Variants in PCDHGB1 observed in about 807,000 individuals in gnomAD.
The protein encoded by PCDHGB1 is protocadherin gamma subfamily B, 1.
In PCDHGB1, 34 loss-of-function variants were observed where a neutral mutation model predicts 56.6. The ratio of observed to expected loss-of-function variants is 0.60; its 90% CI spans 0.46 to 0.80. PCDHGB1 has a LOEUF of 0.80. Ranked by LOEUF, PCDHGB1 falls within the 30% of genes least tolerant of loss-of-function variation. The probability of loss-of-function intolerance (pLI) is 0.00; values close to 1 mark genes in which losing one functional copy is unlikely to be tolerated. For synonymous variants in PCDHGB1, 561 were observed against 505.9 expected (o/e 1.11, Z -1.46); for missense variants, 1,278 against 1,204.6 (o/e 1.06, Z -0.90).
intron 1 of PCDHGB1, chr5:141,478,456 T>A (rs371773090): frequency 3.1e-6 from 5 of 1,613,366 alleles, no homozygotes; most frequent in African/African-American, 2.7e-5. Context: ...GTGCAGCCAG[T>A]CCACTGGCCA....
chr5:141,360,168 G>A (rs1224518135), intron 1 of PCDHGB1: 2 of 1,608,034 alleles, frequency 1.2e-6, no homozygotes, highest in East Asian at 2.2e-5. Context: ...GCGGGCTGGT[G>A]CGGTGGCTGC....
At position 141,351,936 on chromosome 5, in the gene PCDHGB1, T is replaced by C; in HGVS notation, c.1676T>C (p.Leu559Pro). The C allele has an allele frequency of 6.2e-7, 1 of 1,613,244 alleles. No homozygotes were observed. Among genetic ancestry groups the C allele is most frequent in the Non-Finnish European group, 8.5e-7 (1 of 1,179,748 alleles). The change falls in exon 1 of 4, where the codon CTG becomes CCG. Residue 559 changes from leucine (L) to proline (P), a missense_variant. Transcript: ENST00000523390. ...CTCAATGACAATGCGCCACGGGTGC[T>C]GTACCCCGCGCTGGGGCCTGATGGC... is the stretch of plus-strand genomic sequence containing the variant. ...GDLNDNAPRV[L>P]YPALGPDGSA...
intron 1 of PCDHGB1, chr5:141,384,634 C>T: frequency 6.2e-7 from 1 of 1,614,208 alleles, no homozygotes; most frequent in Non-Finnish European, 8.5e-7. Flanking sequence ...GGAGCTGGCA[C>T]CCCGCTCCGC....
chr5:141,384,769 G>C (rs778610936), intron 1 of PCDHGB1: 1 of 1,613,914 alleles, frequency 6.2e-7, no homozygotes, highest in Non-Finnish European at 8.5e-7. Context: ...GCTGTACACG[G>C]GCGAGGTGCG....
Position 141,490,446 on chromosome 5 carries a change from C to T in PCDHGB1, c.2410-4361C>T, listed in dbSNP as rs779502898. 2.5e-6 allele frequency: 4 copies of T among 1,614,196 alleles called. No homozygotes were observed. The highest frequency in any genetic ancestry group is 3.4e-6 in the Non-Finnish European group (4 of 1,180,016). ...CATTTCAGATTAAGCCTTCTGAGAA[C>T]CACTACTCGCTGCTAACCAGCCAGC... On this transcript the variant is annotated intron_variant, in intron 1 of 3. Coordinates refer to ENST00000523390, the MANE Select transcript of PCDHGB1 (RefSeq NM_018922.3). The surrounding 1 kb of genome is among the most constrained non-coding windows in gnomAD (Gnocchi z 5.4).
chr5:141,366,162 C>A (rs1037452604), intron 1 of PCDHGB1: 1 of 1,614,110 alleles, frequency 6.2e-7, no homozygotes, highest in South Asian at 1.1e-5. Context: ...CTGCTTAAGG[C>A]CAGCGAGCCA....
At chr5:141,372,542 A>G in intron 1 of PCDHGB1, 1 of 1,613,892 alleles carries the variant, frequency 6.2e-7, no homozygotes, top group Non-Finnish European at 8.5e-7. Context: ...TGCGCCTGCG[A>G]TGCTCCTCCA....
chr5:141,389,875 A>G (rs753159908), intron 1 of PCDHGB1: 2 of 1,613,946 alleles, frequency 1.2e-6, no homozygotes, highest in African/African-American at 2.7e-5. Flanking sequence ...GTCTTCGCCG[A>G]CAGCTTGCAG....
intron 1 of PCDHGB1, chr5:141,408,227 C>G (rs771279344): frequency 1.9e-6 from 3 of 1,562,978 alleles, no homozygotes; most frequent in East Asian, 2.4e-5. Context: ...CGCGCAGAGG[C>G]GCCGGGCCGG....
rs774439162 is a variant in PCDHGB1 at position 141,360,155 on chromosome 5, G to T, written c.2409+7486G>T. 2.5e-6 allele frequency: 4 copies of T among 1,603,962 alleles called. No individual in the cohort carries two copies. In the South Asian group the frequency reaches 4.5e-5, roughly 18 times the overall value. On this transcript the variant is annotated intron_variant, in intron 1 of 3. Transcript: ENST00000523390. The stretch of plus-strand genomic sequence containing the variant: ...CAGAAGATGAAAGCGAGCTCAGGGA[G>T]GTGCGGGCTGGTGCGGTGGCTGCAG...
At chr5:141,418,423 T>G (rs1469880702) in intron 1 of PCDHGB1, 1 of 1,613,868 alleles carries the variant, frequency 6.2e-7, no homozygotes. Flanking sequence ...ATCCTGATGG[T>G]GGCAAATATC....
rs539719239 is a variant in PCDHGB1, at chr5:141,431,888, G to A, written c.2410-62919G>A. The A allele has an allele frequency of 6.2e-7, 1 of 1,614,200 alleles. No homozygotes were observed. The highest frequency in any genetic ancestry group is 1.7e-5 in the Admixed American group (1 of 60,036). On this transcript the variant is annotated intron_variant, in intron 1 of 3. Coordinates refer to ENST00000523390, the MANE Select transcript of PCDHGB1 (RefSeq NM_018922.3). The surrounding 1 kb of genome is among the most constrained non-coding windows in gnomAD (Gnocchi z 4.8). ...TTTAAATGTAAATGACCAAGATTCT[G>A]AGGAAAACGGACAGGTGATCTGTTT... is the stretch of plus-strand genomic sequence containing the variant.
intron 1 of PCDHGB1, chr5:141,418,101 G>A (rs965772298): frequency 3.7e-6 from 6 of 1,614,082 alleles, no homozygotes; most frequent in Non-Finnish European, 5.1e-6. Flanking sequence ...GACGCGCAGA[G>A]CGGGGACTTA....
chr5:141,394,667 G>C, intron 1 of PCDHGB1: 5 of 1,613,252 alleles, frequency 3.1e-6, no homozygotes, highest in Non-Finnish European at 4.2e-6. Flanking sequence ...GACTCTTCTC[G>C]GTGGGTCTGC....
intron 1 of PCDHGB1, among the ~76,000 whole-genome samples, chr5:141,425,919 G>A (rs11167745): frequency 2.0e-5 from 3 of 152,174 alleles, no homozygotes; most frequent in East Asian, 1.9e-4. Flanking sequence ...CAGTCACTAC[G>A]AAAACTCATA....
chr5:141,441,789 A>G (rs889545483), intron 1 of PCDHGB1: 4 of 391,886 alleles, frequency 1.0e-5, no homozygotes, highest in Middle Eastern at 6.4e-4. Context: ...CCTGAATGAC[A>G]ACGCACCGCG....
intron 1 of PCDHGB1, chr5:141,374,023 A>C: frequency 7.1e-7 from 1 of 1,412,854 alleles, no homozygotes; most frequent in South Asian, 1.7e-5. Flanking sequence ...GAGAAGAGCA[A>C]AAGTGATGCA....
chr5:141,383,093 G>C, intron 1 of PCDHGB1: 1 of 1,613,930 alleles, frequency 6.2e-7, no homozygotes. Context: ...CGCGGAGTCC[G>C]CATCATCTCC....
chr5:141,485,899 C>A lies in PCDHGB1; in HGVS notation c.2410-8908C>A, dbSNP rs775312856. 12 of 1,614,166 alleles carry A rather than the reference C, an allele frequency of 7.4e-6. No individual in the cohort carries two copies. The highest frequency in any genetic ancestry group is 8.5e-6 in the Non-Finnish European group (10 of 1,180,032). On this transcript the variant is annotated intron_variant, in intron 1 of 3. Coordinates refer to ENST00000523390, the MANE Select transcript of PCDHGB1 (RefSeq NM_018922.3). The surrounding 1 kb of genome is among the most constrained non-coding windows in gnomAD (Gnocchi z 5.7). ...ACGTAAACGACAACGCCCCAGCCTT[C>A]CAGCAATCCAGCTACAGGATTAGTG...
Sources: gnomAD v4.1 joint callset for allele counts (sites outside exome capture counted in the v4.1 genomes callset) on GRCh38, gnomAD v4.1.1 for gene constraint, Gnocchi (gnomAD v3.1) non-coding constraint, MANE v1.5 for transcripts, NCBI Gene and HGNC (gene_info 2026-07-23, HGNC 2026-07-21) for gene names.